Variants in POLE observed in about 807,000 individuals in gnomAD.
POLE encodes DNA polymerase epsilon catalytic subunit A.
In POLE, 188 loss-of-function variants were observed where a neutral mutation model predicts 279.2. The observed-to-expected ratio is 0.67, with a 90% CI of 0.60 to 0.76. POLE has a LOEUF of 0.76. Ranked by LOEUF, POLE falls within the 30% of genes least tolerant of loss-of-function variation. The pLI is 0.00. For synonymous variants in POLE, 1,214 were observed against 1,172.5 expected, an observed-to-expected ratio of 1.04 and a Z score of -0.72; for missense variants, 2,703 against 3,016.7, an observed-to-expected ratio of 0.90 and a Z score of 2.44.
intron 29 of POLE, among the ~76,000 whole-genome samples, chr12:132,652,237 T>C (rs1418415711): frequency 6.6e-6 from 1 of 152,142 alleles, no homozygotes; most frequent in Non-Finnish European, 1.5e-5. Context: ...TGTGATGTTT[T>C]TCACATGTGC....
Position 132,675,941 on chromosome 12 carries a change from CCGCCCGTCTCTG to C in POLE, c.1021-133_1021-122del, listed in dbSNP as rs2043040705. 1.1e-6 allele frequency: 1 copy of C among 951,614 alleles called. No individual in the cohort carries two copies. The highest frequency in any genetic ancestry group is 1.6e-6 in the Non-Finnish European group (1 of 606,232). The allele number at this position is 951,614 out of a possible 1,614,324, so 58.9% of individuals were successfully genotyped here. On this transcript the variant is annotated intron_variant, in intron 10 of 48. Transcript: ENST00000320574. This position sits in a 1 kb window ranked among gnomAD's most constrained non-coding sequence, Gnocchi z 4.3. ...TGGCCCTTATTCCTGCCCCGCCCCT[CCGCCCGTCTCTG>C]GCAGAAAAGACGGTCATACCCTGAG...
At chr12:132,676,676 A>G (rs771437197) in intron 8 of POLE, 23 bp from the exon 9 acceptor site, 18 of 1,506,594 alleles carry the variant, frequency 1.2e-5, no homozygotes, top group Non-Finnish European at 9.2e-7. Context: ...AATAAGCATA[A>G]AGCCAAGCTC....
chr12:132,643,399 G>T lies in POLE; in HGVS notation c.4444+8C>A, dbSNP rs770883612. On this transcript the variant is annotated splice_region_variant and intron_variant, in intron 34 of 48. Coordinates refer to ENST00000320574, the MANE Select transcript of POLE (RefSeq NM_006231.4). ...AGGCACATGATGGGCGGCTGGTGCA[G>T]GCCATACCTGGTTCCAGGTAGCTGA... 1 of 1,614,112 alleles carries T rather than the reference G, an allele frequency of 6.2e-7. No homozygotes were observed. The highest frequency in any genetic ancestry group is 1.3e-5 in the African/African-American group (1 of 74,950).
At chr12:132,625,995 A>G in intron 46 of POLE, 122 bp downstream of exon 46, 1 of 1,144,094 alleles carries the variant, frequency 8.7e-7, no homozygotes, top group Non-Finnish European at 1.3e-6. Flanking sequence ...TTGCCAATCC[A>G]TGTGAGTCAG....
Position 132,672,177 on chromosome 12 carries a change from A to T in POLE, c.1794+38T>A, listed in dbSNP as rs756086590. ...AGACGTGGTCTGTGAAGAAGGCGCCAAACACAGACTGGCTCTTCCTGCCTC... is the reference window on the plus strand; with the variant it reads ...AGACGTGGTCTGTGAAGAAGGCGCCTAACACAGACTGGCTCTTCCTGCCTC... On this transcript the variant is annotated intron_variant, in intron 16 of 48. Transcript: ENST00000320574. The T allele has an allele frequency of 2.1e-6, 3 of 1,445,608 alleles. No homozygotes were observed. In the South Asian group the frequency reaches 3.4e-5, roughly 16 times the overall value. 89.5% of individuals were successfully genotyped at this position (1,445,608 alleles called of 1,614,324 possible).
chr12:132,685,691 A>G (rs1241555320), intron 1 of POLE, among the ~76,000 whole-genome samples: 2 of 152,144 alleles, frequency 1.3e-5, no homozygotes, highest in African/African-American at 2.4e-5. Context: ...AACCGTCTCT[A>G]AGCTCCAAGT....
At chr12:132,667,751 A>G in intron 19 of POLE, 103 bp from the exon 20 acceptor site, 1 of 1,210,258 alleles carries the variant, frequency 8.3e-7, no homozygotes, top group South Asian at 1.3e-5. Flanking sequence ...CGTCACCACA[A>G]AGGAGCAACA....
Position 132,675,472 on chromosome 12 carries a change from C to G in POLE, c.1152G>C (p.Gln384His). The G allele has an allele frequency of 6.2e-7, 1 of 1,614,196 alleles. No homozygotes were observed. Among genetic ancestry groups the G allele is most frequent in the Non-Finnish European group, 8.5e-7 (1 of 1,180,020 alleles). ...ARAAVHGLSM[Q>H]QEIGFQKDSQ... ...TGTCCTTCTGGAAGCCTATCTCCTG[C>G]TGCATGCTCAGACCGTGGACTGCTG... Residue 384 changes from glutamine (Q) to histidine (H), a missense_variant, in exon 12 of 49, where the codon CAG becomes CAC. Around this residue, in one of 5 missense-constraint regions of POLE, gnomAD observed 1,011 missense variants for 1,111.7 expected, o/e 0.91. Coordinates refer to ENST00000320574, the MANE Select transcript of POLE (RefSeq NM_006231.4). This position sits in a 1 kb window ranked among gnomAD's most constrained non-coding sequence, Gnocchi z 4.3.
At chr12:132,663,924 T>G in intron 23 of POLE, 80 bp downstream of exon 23, 108 of 1,480,980 alleles carry the variant, frequency 7.3e-5, no homozygotes, top group Non-Finnish European at 9.4e-5. Flanking sequence ...ATGCACACTG[T>G]GAGGTGCTGC....
At position 132,640,941 on chromosome 12, in the gene POLE, C is replaced by T. The variant is rs906979891; in HGVS notation, c.5378+706G>A. 13 of 455,978 alleles carry T rather than the reference C, an allele frequency of 2.9e-5. No individual in the cohort carries two copies. The Middle Eastern group carries it at 9.7e-4, about 34-fold the overall frequency. The allele number at this position is 455,978 out of a possible 1,614,324, so 28.2% of individuals were successfully genotyped here. A position where few individuals can be genotyped will look rare whatever the true frequency, so the allele number is the denominator to read the frequency against. ...TCCCAGCTCTGGCATGCTCCCTCTC[C>T]CCTTTTGTATGGAGTCATTAAAACT... On this transcript the variant is annotated intron_variant, in intron 39 of 48. Transcript: ENST00000320574.
chr12:132,634,388 A>G lies in POLE; in HGVS notation c.5812-10T>C, dbSNP rs1357148818. ...CTTTCTGGGAGTCTTGCTGTAACAC[A>G]TGAGACAACGCGGCTGTGTTTGCAC... On this transcript the variant is annotated splice_polypyrimidine_tract_variant and intron_variant, in intron 42 of 48. Coordinates refer to ENST00000320574, the MANE Select transcript of POLE (RefSeq NM_006231.4). The surrounding 1 kb of genome is among the most constrained non-coding windows in gnomAD (Gnocchi z 4.0). The G allele has an allele frequency of 1.9e-6, 3 of 1,610,214 alleles. No homozygotes were observed. Among genetic ancestry groups the G allele is most frequent in the Non-Finnish European group, 2.5e-6 (3 of 1,177,306 alleles).
At position 132,624,821 on chromosome 12, in the gene POLE, A is replaced by T. The variant is rs552311764; in HGVS notation, c.6748-11T>A. ...CTGTTCCATGAAGACCTGCAGGAAT[A>T]AACAGGCACAGTGAGACCCCAGTCC... On this transcript the variant is annotated splice_polypyrimidine_tract_variant and intron_variant, in intron 48 of 48. Transcript: ENST00000320574. 225 of 1,602,748 alleles carry T rather than the reference A, an allele frequency of 1.4e-4. No individual in the cohort carries two copies. The South Asian group carries it at 2.2e-3, about 15-fold the overall frequency.
intron 45 of POLE, 60 bp downstream of exon 45, chr12:132,632,255 A>G: frequency 1.5e-6 from 2 of 1,366,374 alleles, no homozygotes; most frequent in Non-Finnish European, 2.1e-6. Flanking sequence ...ACACAGTAAC[A>G]TTCTCGCCTT....
chr12:132,682,588 G>A (rs1477621048), intron 1 of POLE, among the ~76,000 whole-genome samples: 1 of 152,168 alleles, frequency 6.6e-6, no homozygotes, highest in African/African-American at 2.4e-5. Context: ...AAGATGTTAT[G>A]GTGAAGTGAT....
In POLE at chr12:132,665,430, CGA is replaced by C. The variant is rs1565962515; in HGVS notation, c.2338_2339del (p.Ser780GlyfsTer10). 1 of 1,611,610 alleles carries C rather than the reference CGA, an allele frequency of 6.2e-7. No homozygotes were observed. Among genetic ancestry groups the C allele is most frequent in the Non-Finnish European group, 8.5e-7 (1 of 1,179,742 alleles). On this transcript the variant is annotated frameshift_variant, in exon 21 of 49. Coordinates refer to ENST00000320574, the MANE Select transcript of POLE (RefSeq NM_006231.4). LOFTEE classifies it high-confidence loss of function. ...GLHKVWKKKL[S>X]AAVEVGDAAE... ...CCGCGTCGCCCACCTCCACGGCCGC[CGA>C]GAGCTTCTTTTTCCACACCTGAGAA...
rs2042165436 is a variant in POLE, at chr12:132,642,362, T to A, written c.4988A>T (p.Asp1663Val). The A allele has an allele frequency of 6.3e-7, 1 of 1,583,108 alleles. No individual in the cohort carries two copies. ...FHIPIGNLPE[D>V]ISTFGSDLFF... Reference sequence around the variant, plus strand: ...GAGGTCGGAGCCGAATGTGGAGATGTCCTCTGGTAGGTTCCCAATGGGAAT... The same window carrying A: ...GAGGTCGGAGCCGAATGTGGAGATGACCTCTGGTAGGTTCCCAATGGGAAT... Residue 1663 changes from aspartate (D) to valine (V), a missense_variant, in exon 38 of 49, where the codon GAC becomes GTC. Transcript: ENST00000320574.
rs567674821 is a variant in POLE, at chr12:132,660,110, G to A, written c.3061-601C>T. Reference sequence around the variant, plus strand: ...AGGAAGTTTTTCTCCTTGAAAGGAAGAGAAAGAAGGGGCAGGAAGAGCCAG... The same window carrying A: ...AGGAAGTTTTTCTCCTTGAAAGGAAAAGAAAGAAGGGGCAGGAAGAGCCAG... On this transcript the variant is annotated intron_variant, in intron 25 of 48. Transcript: ENST00000320574. 1.2e-4 allele frequency: 19 copies of A among 156,076 alleles called. No homozygotes were observed. In the South Asian group the frequency reaches 3.8e-3, roughly 31 times the overall value. The allele number at this position is 156,076 out of a possible 1,614,324, so 9.7% of individuals were successfully genotyped here.
At position 132,675,624 on chromosome 12, in the gene POLE, G is replaced by C. The variant is rs2043029774; in HGVS notation, c.1107-107C>G. The C allele has an allele frequency of 1.3e-6, 2 of 1,585,392 alleles. No individual in the cohort carries two copies. The highest frequency in any genetic ancestry group is 1.8e-4 in the Middle Eastern group (1 of 5,714). ...GAGGAACCCAGACACGGGAGGTGCA[G>C]AGTGAACCCAGGAGCCACCTCCTAA... On this transcript the variant is annotated intron_variant, in intron 11 of 48. Transcript: ENST00000320574. The surrounding 1 kb of genome is among the most constrained non-coding windows in gnomAD (Gnocchi z 4.3).
chr12:132,672,079 G>A (rs1478494926), intron 16 of POLE, 136 bp downstream of exon 16: 2 of 665,394 alleles, frequency 3.0e-6, no homozygotes, highest in African/African-American at 3.5e-5. Flanking sequence ...TGACTGCCCT[G>A]TCCCACCAGA....
Sources: gnomAD v4.1 joint callset for allele counts (sites outside exome capture counted in the v4.1 genomes callset) on GRCh38, gnomAD v4.1.1 for gene constraint, gnomAD v4.1.1 regional missense constraint, Gnocchi (gnomAD v3.1) non-coding constraint, MANE v1.5 for transcripts, NCBI Gene and HGNC (gene_info 2026-07-23, HGNC 2026-07-21) for gene names.